SLC35D4: variants seen among roughly 807,000 people sequenced by gnomAD.
SLC35D4 encodes UDP-N-acetylglucosamine transporter SLC35D4.
chr18:23,272,985 C>T, the SLC35D4 span, among the ~76,000 whole-genome samples: 1 of 152,212 alleles, frequency 6.6e-6, no homozygotes, highest in African/African-American at 2.4e-5. Flanking sequence ...GTCTTCCTAG[C>T]TCTGAAACAC....
the SLC35D4 span, chr18:23,385,038 A>G: frequency 1.9e-4 from 300 of 1,613,708 alleles, 3 homozygotes; most frequent in South Asian, 3.0e-3. Context: ...CTTCAGCTAC[A>G]TTATGCAAAG....
the SLC35D4 span, among the ~76,000 whole-genome samples, chr18:23,241,938 CTG>C: frequency 6.6e-6 from 1 of 152,142 alleles, no homozygotes; most frequent in Non-Finnish European, 1.5e-5. Flanking sequence ...GTCACTCCCA[CTG>C]TTACCTACTG....
chr18:23,282,557 G>A, the SLC35D4 span, among the ~76,000 whole-genome samples: 12 of 152,260 alleles, frequency 7.9e-5, no homozygotes, highest in African/African-American at 2.6e-4. Flanking sequence ...CCGAGGATCC[G>A]GAGCTGCCCT....
At chr18:23,241,573 A>G in the SLC35D4 span, among the ~76,000 whole-genome samples, 57 of 152,312 alleles carry the variant, frequency 3.7e-4, no homozygotes, top group Middle Eastern at 6.8e-3. Flanking sequence ...GATGTAGTAC[A>G]GTTTGTTTAT....
At chr18:23,247,225 T>G in the SLC35D4 span, among the ~76,000 whole-genome samples, 2 of 152,200 alleles carry the variant, frequency 1.3e-5, no homozygotes, top group African/African-American at 4.8e-5. Flanking sequence ...TCAGGCTCCC[T>G]CAAGACAGGA....
the SLC35D4 span, among the ~76,000 whole-genome samples, chr18:23,375,624 A>G: frequency 6.6e-6 from 1 of 152,200 alleles, no homozygotes; most frequent in Non-Finnish European, 1.5e-5. Flanking sequence ...ATGAAATGCT[A>G]GGGTGCCTGG....
At chr18:23,430,738 A>T in the SLC35D4 span, 1 of 1,433,410 alleles carries the variant, frequency 7.0e-7, no homozygotes, top group African/African-American at 1.4e-5. Flanking sequence ...CAAACCATAT[A>T]ATCAAAGACA....
At chr18:23,403,367 G>A in the SLC35D4 span, among the ~76,000 whole-genome samples, 1 of 152,234 alleles carries the variant, frequency 6.6e-6, no homozygotes, top group Non-Finnish European at 1.5e-5. Context: ...CCTAATCAGT[G>A]AGAATAGGGA....
the SLC35D4 span, among the ~76,000 whole-genome samples, chr18:23,414,295 GAGGAAGGAAGGA>G: frequency 2.6e-4 from 32 of 124,132 alleles, no homozygotes; most frequent in African/African-American, 6.8e-4. Flanking sequence ...AAAAGGAAAG[GAGGAAGGAAGGA>G]AGGAAGGAAG....
the SLC35D4 span, among the ~76,000 whole-genome samples, chr18:23,312,572 G>T: frequency 2.0e-5 from 3 of 152,120 alleles, no homozygotes; most frequent in Admixed American, 6.5e-5. Context: ...TGCACCGTGG[G>T]ACAACTGTGG....
the SLC35D4 span, chr18:23,254,036 G>GA: frequency 6.2e-6 from 6 of 974,730 alleles, no homozygotes; most frequent in Non-Finnish European, 9.6e-6. Context: ...GAAGGATTCT[G>GA]ATCCTTAGTC....
the SLC35D4 span, among the ~76,000 whole-genome samples, chr18:23,290,081 G>A: frequency 6.6e-6 from 1 of 152,222 alleles, no homozygotes; most frequent in Non-Finnish European, 1.5e-5. Context: ...CCCCTGGAGA[G>A]TATGAAGTGA....
chr18:23,381,847 C>T, the SLC35D4 span, among the ~76,000 whole-genome samples: 1 of 152,218 alleles, frequency 6.6e-6, no homozygotes, highest in Admixed American at 6.5e-5. Flanking sequence ...CTGGCCTGCT[C>T]ATCAGGAAGC....
At chr18:23,366,496 T>G in the SLC35D4 span, among the ~76,000 whole-genome samples, 1 of 152,216 alleles carries the variant, frequency 6.6e-6, no homozygotes, top group African/African-American at 2.4e-5. Context: ...AAACCCTGGC[T>G]GCATATCAGA....
At chr18:23,279,069 G>A in the SLC35D4 span, among the ~76,000 whole-genome samples, 9 of 151,962 alleles carry the variant, frequency 5.9e-5, no homozygotes, top group South Asian at 2.1e-4. Context: ...GAGGTGGGTC[G>A]TCTGGCTGAT....
chr18:23,247,232 A>G, the SLC35D4 span, among the ~76,000 whole-genome samples: 1,635 of 152,370 alleles, frequency 0.011, 33 homozygotes, highest in African/African-American at 0.037. Flanking sequence ...CCCTCAAGAC[A>G]GGATGTGCCG....
At chr18:23,388,345 T>C in the SLC35D4 span, among the ~76,000 whole-genome samples, 1 of 152,232 alleles carries the variant, frequency 6.6e-6, no homozygotes, top group Non-Finnish European at 1.5e-5. Context: ...TATTCTCTTA[T>C]TTAAACCTCC....
the SLC35D4 span, among the ~76,000 whole-genome samples, chr18:23,413,664 C>T: frequency 2.2e-4 from 33 of 152,270 alleles, no homozygotes; most frequent in African/African-American, 7.5e-4. Flanking sequence ...GTGGCTCACA[C>T]CTGTAATCCC....
the SLC35D4 span, among the ~76,000 whole-genome samples, chr18:23,353,535 CATTAG>C: frequency 6.6e-6 from 1 of 152,172 alleles, no homozygotes; most frequent in Non-Finnish European, 1.5e-5. Flanking sequence ...ACCTTCACTT[CATTAG>C]ATTAGACTAG....
Sources: gnomAD v4.1 joint callset for allele counts (sites outside exome capture counted in the v4.1 genomes callset) on GRCh38, gnomAD v4.1.1 for gene constraint, MANE v1.5 for transcripts, NCBI Gene and HGNC (gene_info 2026-07-23, HGNC 2026-07-21) for gene names.